The following VWA7 variants were observed in gnomAD, a reference collection of about 807,000 sequenced individuals.
VWA7 encodes the protein von Willebrand factor A domain-containing protein 7.
A neutral mutation model predicts 83.1 loss-of-function variants in VWA7; 66 were observed. The observed-to-expected ratio is 0.79, with a 90% confidence interval of 0.65 to 0.98. The LOEUF (loss-of-function observed/expected upper bound fraction) is 0.98. VWA7 is among the 50% of genes least tolerant of loss of function. The pLI is 0.00. For missense variants in VWA7, 1,080 were observed against 1,160.2 expected, an observed-to-expected ratio of 0.93 and a Z score of 1.00; for synonymous variants, 424 against 488.5, an observed-to-expected ratio of 0.87 and a Z score of 1.74.
At chr6:31,771,425 CA>C (rs1812168997) in intron 7 of VWA7, 1 of 152,218 alleles carries the variant, frequency 6.6e-6, no homozygotes, top group African/African-American at 2.4e-5. Context: ...TGAAGATCCA[CA>C]AAAGAAGTGA....
chr6:31,766,031 G>A lies in VWA7; in HGVS notation c.2351C>T (p.Ala784Val). The A allele has an allele frequency of 6.2e-7, 1 of 1,613,036 alleles. No homozygotes were observed. The highest frequency in any genetic ancestry group is 8.5e-7 in the Non-Finnish European group (1 of 1,180,034). ...GACCTCCAGCCACAGGCGGCCCCAG[G>A]CCGACTCATTCAGTTCCAGGTGAGC... ...SRAHLELNESAWGRLWLEVPD... is the reference protein window; with the variant it reads ...SRAHLELNESVWGRLWLEVPD... Residue 784 changes from alanine to valine, a missense_variant, in exon 16 of 17, where the codon GCC becomes GTC. Ala to Val is a moderately conservative substitution (Grantham distance 64, BLOSUM62 0). Transcript: ENST00000375688. The surrounding 1 kb of genome is among the most constrained non-coding windows in gnomAD (Gnocchi z 4.9).
rs1474175741 is a variant in VWA7, at chr6:31,766,742, T to C, written c.1905A>G (p.Val635=). ...CTCTGGAACCCAACCCTGTCACTTCTACCAGCAGCTGGGTCTGAAGACCTG... is the reference window on the plus strand; with the variant it reads ...CTCTGGAACCCAACCCTGTCACTTCCACCAGCAGCTGGGTCTGAAGACCTG... ...PVAGLQTQLL[V]EVTGLGSRAN... The change falls in exon 14 of 17, where the codon GTA becomes GTG. Residue 635 remains valine, a synonymous_variant. Coordinates refer to ENST00000375688, the MANE Select transcript of VWA7 (RefSeq NM_025258.3). The surrounding 1 kb of genome is among the most constrained non-coding windows in gnomAD (Gnocchi z 4.9). 1.2e-6 allele frequency: 2 copies of C among 1,604,998 alleles called. No homozygotes were observed. The highest frequency in any genetic ancestry group is 1.1e-5 in the South Asian group (1 of 90,726).
chr6:31,776,142 G>T lies in VWA7; in HGVS notation c.335C>A (p.Ala112Glu). ...GGAAGTTGGCAGGAAGTCCTGGGCT[G>T]CATTGGCACGAGACACCTCACCTAA... ...AALGEVSRAN[A>E]AQDFLPTSRN... Residue 112 changes from alanine (A) to glutamate (E), a missense_variant, in exon 3 of 17, where the codon GCA becomes GAA. By Grantham distance (107) the Ala-to-Glu change is moderately radical. Transcript: ENST00000375688. The surrounding 1 kb of genome is among the most constrained non-coding windows in gnomAD (Gnocchi z 6.2). The T allele has an allele frequency of 6.2e-7, 1 of 1,614,100 alleles. No individual in the cohort carries two copies. The highest frequency in any genetic ancestry group is 8.5e-7 in the Non-Finnish European group (1 of 1,180,030).
Position 31,772,976 on chromosome 6 carries a change from G to C in VWA7, c.1065C>G (p.Val355=). The C allele has an allele frequency of 6.2e-7, 1 of 1,612,332 alleles. No homozygotes were observed. The highest frequency in any genetic ancestry group is 1.1e-5 in the South Asian group (1 of 91,054). The change falls in exon 7 of 17, where the codon GTC becomes GTG. Residue 355 remains valine (V), a synonymous_variant. Coordinates refer to ENST00000375688, the MANE Select transcript of VWA7 (RefSeq NM_025258.3). ...TACCTGGGTCATGAAAAGGCACCAGGACATAGTGGACAGGCTCCATGGGGC... is the reference window on the plus strand; with the variant it reads ...TACCTGGGTCATGAAAAGGCACCAGCACATAGTGGACAGGCTCCATGGGGC... ...RGSPMEPVHY[V]LVPFHDPGFG...
At chr6:31,768,165 A>G (rs893904388) in intron 10 of VWA7, among the ~76,000 whole-genome samples, 1 of 149,704 alleles carries the variant, frequency 6.7e-6, no homozygotes, top group Admixed American at 6.7e-5. Context: ...AAAAAAAAGA[A>G]AGAAAAAGAA....
rs1293715295 is a variant in VWA7, at chr6:31,775,301, C to G, written c.610+32G>C. On this transcript the variant is annotated intron_variant, in intron 4 of 16. Coordinates refer to ENST00000375688, the MANE Select transcript of VWA7 (RefSeq NM_025258.3). This position sits in a 1 kb window ranked among gnomAD's most constrained non-coding sequence, Gnocchi z 5.9. Reference sequence around the variant, plus strand: ...GGGTGGACTGAGGTGGCCCTGTGGACTCCTGCCTCACCACCAGGGTCACAG... The same window carrying G: ...GGGTGGACTGAGGTGGCCCTGTGGAGTCCTGCCTCACCACCAGGGTCACAG... The G allele has an allele frequency of 2.5e-6, 4 of 1,584,098 alleles. No homozygotes were observed. In the Admixed American group the frequency reaches 6.9e-5, roughly 27 times the overall value.
At position 31,766,311 on chromosome 6, in the gene VWA7, C is replaced by A. The variant is rs570620342; in HGVS notation, c.2258G>T (p.Gly753Val). ...PLSLRIASFSGPQDLDLRTFV... is the reference protein window; with the variant it reads ...PLSLRIASFSVPQDLDLRTFV... ...AGTCCTAAGGTCAAGATCCTGAGGGCCCGAGAAGCTGGCGATGCGGAGACT... is the reference window on the plus strand; with the variant it reads ...AGTCCTAAGGTCAAGATCCTGAGGGACCGAGAAGCTGGCGATGCGGAGACT... Residue 753 changes from glycine to valine, a missense_variant, in exon 15 of 17, where the codon GGC becomes GTC. Gly to Val is a moderately radical substitution (Grantham distance 109). Transcript: ENST00000375688. The surrounding 1 kb of genome is among the most constrained non-coding windows in gnomAD (Gnocchi z 4.9). 4.2e-5 allele frequency: 67 copies of A among 1,611,994 alleles called. No homozygotes were observed. In the South Asian group the frequency reaches 6.2e-4, roughly 15 times the overall value.
rs1811744787 is a variant in VWA7 at position 31,767,619 on chromosome 6, T to A, written c.1636+3A>T. 2 of 1,609,514 alleles carry A rather than the reference T, an allele frequency of 1.2e-6. No individual in the cohort carries two copies. The highest frequency in any genetic ancestry group is 1.7e-6 in the Non-Finnish European group (2 of 1,176,242). ...CCTCTCTTCCCTCTACCTTCAGAGG[T>A]ACCTGCAGGGTTCTTGATCCAGAAG... On this transcript the variant is annotated splice_donor_region_variant and intron_variant, in intron 11 of 16. Transcript: ENST00000375688.
chr6:31,775,793 T>G lies in VWA7; in HGVS notation c.513+171A>C, dbSNP rs1036852187. The stretch of plus-strand genomic sequence containing the variant: ...TCCTTGCTGTTCCTACAGGAAGCAC[T>G]GCCAGCTTGGAGGTGGGGAACTGGG... On this transcript the variant is annotated intron_variant, in intron 3 of 16. Transcript: ENST00000375688. The surrounding 1 kb of genome is among the most constrained non-coding windows in gnomAD (Gnocchi z 5.9). 5.3e-5 allele frequency among the ~76,000 whole-genome samples: 8 copies of G among 152,200 alleles called. No homozygotes were observed. Among genetic ancestry groups the G allele is most frequent in the African/African-American group, 1.9e-4 (8 of 41,448 alleles).
Position 31,773,957 on chromosome 6 carries a change from C to T in VWA7, c.722-520G>A, listed in dbSNP as rs987426985. Among the ~76,000 whole-genome samples the T allele has an allele frequency of 2.0e-5, 3 of 151,988 alleles. No homozygotes were observed. Among genetic ancestry groups the T allele is most frequent in the African/African-American group, 4.8e-5 (2 of 41,372 alleles). On this transcript the variant is annotated intron_variant, in intron 5 of 16. Coordinates refer to ENST00000375688, the MANE Select transcript of VWA7 (RefSeq NM_025258.3). The surrounding 1 kb of genome is among the most constrained non-coding windows in gnomAD (Gnocchi z 5.3). ...ATCACCTGAAGTCAGGAGTTTGAGACAAGCCTGGCCAACATGATGAAACCC... is the reference window on the plus strand; with the variant it reads ...ATCACCTGAAGTCAGGAGTTTGAGATAAGCCTGGCCAACATGATGAAACCC...
chr6:31,774,683 C>A, intron 4 of VWA7, 57 bp from the exon 5 acceptor site: 2 of 1,446,344 alleles, frequency 1.4e-6, no homozygotes, highest in East Asian at 2.4e-5. Flanking sequence ...GCCTTTATCC[C>A]CACCCACCCA....
At chr6:31,774,710 C>T in intron 4 of VWA7, 84 bp from the exon 5 acceptor site, 1 of 1,185,012 alleles carries the variant, frequency 8.4e-7, no homozygotes, top group Non-Finnish European at 1.2e-6. Flanking sequence ...TTCAGCTTCT[C>T]CTCCCAGCTG....
chr6:31,774,750 G>T, intron 4 of VWA7, 124 bp from the exon 5 acceptor site: 1 of 740,272 alleles, frequency 1.4e-6, no homozygotes, highest in Non-Finnish European at 2.2e-6. Context: ...AAGTTCCCTA[G>T]CAAAGCTTTC....
rs1034102441 is a variant in VWA7, at chr6:31,765,926, G to A, written c.2456C>T (p.Thr819Ile). The A allele has an allele frequency of 6.2e-7, 1 of 1,613,142 alleles. No individual in the cohort carries two copies. Among genetic ancestry groups the A allele is most frequent in the Non-Finnish European group, 8.5e-7 (1 of 1,180,044 alleles). The change falls in exon 16 of 17, where the codon ACT (threonine) becomes ATT (isoleucine). Residue 819 changes from threonine to isoleucine, a missense_variant. By Grantham distance (89) the Thr-to-Ile change is moderately conservative (BLOSUM62 -1). Coordinates refer to ENST00000375688, the MANE Select transcript of VWA7 (RefSeq NM_025258.3). ...TACCAGGAGCCGGAGGAAAGCATGA[G>A]TCGGGGGTACTGGGTTGGCTTCTCG... ...GGREANPVPP[T>I]HAFLRLLVSA...
In VWA7 at chr6:31,775,829, G is replaced by T; in HGVS notation, c.513+135C>A. On this transcript the variant is annotated intron_variant, in intron 3 of 16. Transcript: ENST00000375688. This position sits in a 1 kb window ranked among gnomAD's most constrained non-coding sequence, Gnocchi z 5.9. Reference sequence around the variant, plus strand: ...AGGTGGGGAACTGGGACACAGCCTCGGGGCACCGCGTGCCAGTGCCCACCC... The same window carrying T: ...AGGTGGGGAACTGGGACACAGCCTCTGGGCACCGCGTGCCAGTGCCCACCC... The T allele has an allele frequency of 1.4e-6, 2 of 1,388,430 alleles. No individual in the cohort carries two copies. Among genetic ancestry groups the T allele is most frequent in the Non-Finnish European group, 1.9e-6 (2 of 1,033,032 alleles). 86.0% of individuals were successfully genotyped at this position (1,388,430 alleles called of 1,614,324 possible). A position where few individuals can be genotyped will look rare whatever the true frequency, so the allele number is the denominator to read the frequency against.
intron 7 of VWA7, among the ~76,000 whole-genome samples, chr6:31,772,584 C>CTTTTTTTT (rs9279415): frequency 0.013 from 450 of 35,112 alleles, 6 homozygotes; most frequent in Admixed American, 0.014. Flanking sequence ...TCTTTCTTTT[C>CTTTTTTTT]TTTTTTTTTT....
At chr6:31,774,189 G>A (rs1812471315) in intron 5 of VWA7, among the ~76,000 whole-genome samples, 1 of 150,590 alleles carries the variant, frequency 6.6e-6, no homozygotes, top group Admixed American at 6.6e-5. Flanking sequence ...TAAAAAGGAT[G>A]GTGCTTTGTG....
rs1456674029 is a variant in VWA7, at chr6:31,767,634, T to C, written c.1624A>G (p.Lys542Glu). 6.2e-7 allele frequency: 1 copy of C among 1,611,704 alleles called. No individual in the cohort carries two copies. The highest frequency in any genetic ancestry group is 1.7e-5 in the Admixed American group (1 of 59,996). Residue 542 changes from lysine (K) to glutamate (E), a missense_variant, in exon 11 of 17, where the codon AAG becomes GAG. Coordinates refer to ENST00000375688, the MANE Select transcript of VWA7 (RefSeq NM_025258.3). ...CCTTCAGAGGTACCTGCAGGGTTCTTGATCCAGAAGCTGCTGATGTCTCCG... is the reference window on the plus strand; with the variant it reads ...CCTTCAGAGGTACCTGCAGGGTTCTCGATCCAGAAGCTGCTGATGTCTCCG... ...IHGDISSFWI[K>E]NPAGVSQGQE...
intron 10 of VWA7, among the ~76,000 whole-genome samples, chr6:31,768,570 G>A (rs1811858192): frequency 6.6e-6 from 1 of 152,210 alleles, no homozygotes; most frequent in South Asian, 2.1e-4. Context: ...CAGGCGTGGT[G>A]GCTCGCGCCT....
Sources: allele counts gnomAD v4.1 joint callset (sites outside exome capture counted in the v4.1 genomes callset), GRCh38; gene constraint gnomAD v4.1.1; non-coding constraint Gnocchi (gnomAD v3.1); transcripts MANE v1.5; gene names NCBI Gene and HGNC (gene_info 2026-07-23, HGNC 2026-07-21).